UPK1A: variants seen among roughly 807,000 people sequenced by gnomAD.
UPK1A encodes uroplakin 1A.
Under a neutral mutation model 32.3 loss-of-function variants are expected in UPK1A, and 31 were observed. The ratio of observed to expected loss-of-function variants is 0.96; its 90% CI spans 0.72 to 1.30. The LOEUF is 1.30. Ranked by LOEUF, UPK1A falls within the 50% of genes most tolerant of loss-of-function variation. UPK1A has a pLI of 0.00. For missense variants in UPK1A, 340 were observed against 357.4 expected (o/e 0.95, Z 0.39); for synonymous variants, 135 against 137.1 (o/e 0.98, Z 0.11).
chr19:35,667,789 T>G lies in UPK1A; in HGVS notation c.85-665T>G, dbSNP rs62109997. Among the ~76,000 whole-genome samples, 564 of 151,860 alleles carry G rather than the reference T, an allele frequency of 3.7e-3. 2 individuals are homozygous for G. The highest frequency in any genetic ancestry group is 0.01 in the Middle Eastern group (3 of 294). ...GATTACAGGTGTAAGCCACCGCGACTGGCCGTGTGTTTGTTTTAGAGACAG... is the reference window on the plus strand; with the variant it reads ...GATTACAGGTGTAAGCCACCGCGACGGGCCGTGTGTTTGTTTTAGAGACAG... On this transcript the variant is annotated intron_variant, in intron 2 of 7. Coordinates refer to ENST00000617999, the Ensembl canonical transcript of UPK1A.
chr19:35,676,281 C>G (rs1433588015), intron 6 of UPK1A: 2 of 618,444 alleles, frequency 3.2e-6, no homozygotes, highest in Non-Finnish European at 3.0e-6. Flanking sequence ...GCGTCTGCCT[C>G]CCGGGTTCAA....
intron 5 of UPK1A, among the ~76,000 whole-genome samples, chr19:35,674,973 G>C (rs554258407): frequency 3.0e-4 from 45 of 151,492 alleles, no homozygotes; most frequent in African/African-American, 9.9e-4. Context: ...ACCCAGGAGG[G>C]GGAGGTTGCA....
intron 5 of UPK1A, among the ~76,000 whole-genome samples, chr19:35,674,927 A>G (rs73600899): frequency 0.1 from 15,176 of 151,784 alleles, 893 homozygotes; most frequent in East Asian, 0.2. Flanking sequence ...CTGTGATTCC[A>G]GCTACTTGGG....
At chr19:35,675,200 A>C (rs1968162925) in intron 5 of UPK1A, among the ~76,000 whole-genome samples, 1 of 152,182 alleles carries the variant, frequency 6.6e-6, no homozygotes, top group Non-Finnish European at 1.5e-5. Flanking sequence ...AAACACCTGG[A>C]TTCCTTACCA....
chr19:35,670,025 T>C (rs1379586549), intron 3 of UPK1A, among the ~76,000 whole-genome samples: 1 of 151,878 alleles, frequency 6.6e-6, no homozygotes, highest in Non-Finnish European at 1.5e-5. Flanking sequence ...AGGAAGACAG[T>C]GAACAGGAGG....
exon 6 of UPK1A, chr19:35,675,991 T>G (rs1165634719): frequency 6.2e-7 from 1 of 1,613,672 alleles, no homozygotes. Context: ...GGCTGCCGCC[T>G]GGGGCACATG....
At chr19:35,675,918 G>T (rs751973417) in exon 6 of UPK1A, 1 of 1,613,866 alleles carries the variant, frequency 6.2e-7, no homozygotes, top group South Asian at 1.1e-5. Flanking sequence ...TCCGGAGGTG[G>T]TGTTCCCCTG....
At chr19:35,669,181 T>A (rs1968048139) in intron 3 of UPK1A, among the ~76,000 whole-genome samples, 1 of 152,062 alleles carries the variant, frequency 6.6e-6, no homozygotes, top group Non-Finnish European at 1.5e-5. Flanking sequence ...CCCTGTTTGA[T>A]GAAGATTGAA....
chr19:35,677,649 G>A (rs1045658195), intron 6 of UPK1A, among the ~76,000 whole-genome samples, 163 bp from the exon 7 acceptor site: 6 of 152,090 alleles, frequency 3.9e-5, no homozygotes, highest in East Asian at 1.9e-4. Context: ...CTGGGGCCCC[G>A]AAACCACCCG....
chr19:35,671,069 CT>C (rs1232831220), intron 3 of UPK1A, among the ~76,000 whole-genome samples: 1 of 151,852 alleles, frequency 6.6e-6, no homozygotes, highest in Admixed American at 6.6e-5. Flanking sequence ...AACCAAAGCC[CT>C]AAAAAGTCAC....
intron 2 of UPK1A, chr19:35,668,213 AT>A: frequency 1.7e-6 from 1 of 580,578 alleles, no homozygotes; most frequent in South Asian, 2.0e-5. Flanking sequence ...TCCACGTGGC[AT>A]CCCCTTTTAT....
chr19:35,668,697 G>A, intron 3 of UPK1A, 43 bp downstream of exon 3: 1 of 1,561,076 alleles, frequency 6.4e-7, no homozygotes, highest in Non-Finnish European at 8.7e-7. Flanking sequence ...TGAAAACGGA[G>A]TTCAGCATCA....
At chr19:35,676,159 T>C in intron 6 of UPK1A, 140 bp downstream of exon 6, 2 of 997,888 alleles carry the variant, frequency 2.0e-6, no homozygotes, top group Non-Finnish European at 2.9e-6. Context: ...CTCTCTGATT[T>C]TCTTGTTTTC....
exon 8 of UPK1A, chr19:35,678,176 C>T: frequency 1.0e-6 from 1 of 955,726 alleles, no homozygotes; most frequent in Non-Finnish European, 1.5e-6. Flanking sequence ...GGTTCCTGAG[C>T]CCTACTGTGT....
At chr19:35,674,605 A>C (rs12977835) in intron 5 of UPK1A, among the ~76,000 whole-genome samples, 1 of 152,044 alleles carries the variant, frequency 6.6e-6, no homozygotes, top group Non-Finnish European at 1.5e-5. Context: ...CCTTTTAGTG[A>C]TGAGGAGACC....
chr19:35,668,070 G>A (rs1599628463), intron 2 of UPK1A: 2 of 301,668 alleles, frequency 6.6e-6, no homozygotes, highest in East Asian at 1.8e-4. Flanking sequence ...CTGCAGGTGT[G>A]AGCCACCTTG....
chr19:35,677,435 A>C (rs1395767883), intron 6 of UPK1A, among the ~76,000 whole-genome samples: 1 of 151,848 alleles, frequency 6.6e-6, no homozygotes, highest in Non-Finnish European at 1.5e-5. Context: ...CTGAGGCAGG[A>C]GAATTGCTTG....
chr19:35,669,166 C>T (rs1968047975), intron 3 of UPK1A, among the ~76,000 whole-genome samples: 1 of 152,110 alleles, frequency 6.6e-6, no homozygotes, highest in African/African-American at 2.4e-5. Context: ...CTGTCATCAT[C>T]ATGACCCTGT....
chr19:35,667,305 T>TG (rs1433521575), intron 2 of UPK1A, among the ~76,000 whole-genome samples: 6 of 129,164 alleles, frequency 4.6e-5, no homozygotes, highest in East Asian at 2.3e-4. Context: ...TGGTTTTGTG[T>TG]TTTTTGTTTT....
Sources: gnomAD v4.1 joint callset for allele counts (sites outside exome capture counted in the v4.1 genomes callset) on GRCh38, gnomAD v4.1.1 for gene constraint, MANE v1.5 for transcripts, NCBI Gene and HGNC (gene_info 2026-07-23, HGNC 2026-07-21) for gene names.